Variants in TTN observed in about 807,000 individuals in gnomAD.
The protein encoded by TTN is titin.
Under a neutral mutation model 3,223.0 loss-of-function variants are expected in TTN, and 1,525 were observed. The ratio of observed to expected loss-of-function variants is 0.47; its 90% CI spans 0.45 to 0.49. The LOEUF (loss-of-function observed/expected upper bound fraction) is 0.49. Among genes scored for constraint, TTN ranks in the 20% least tolerant of loss-of-function variants. The pLI is 0.00. For missense variants in TTN, 40,786 were observed against 43,424.0 expected, an observed-to-expected ratio of 0.94 and a Z score of 5.40; for synonymous variants, 14,094 against 15,161.0, an observed-to-expected ratio of 0.93 and a Z score of 5.17.
chr2:178,745,090 A>G (rs1463498428), intron 47 of TTN: 1 of 987,948 alleles, frequency 1.0e-6, no homozygotes, highest in Non-Finnish European at 1.2e-6. Context: ...GCCTATTCTA[A>G]GTCAAAGTAA....
Position 178,589,881 on chromosome 2 carries a change from C to A in TTN, c.61844G>T (p.Gly20615Val). The A allele has an allele frequency of 6.2e-7, 1 of 1,613,330 alleles. No individual in the cohort carries two copies. The highest frequency in any genetic ancestry group is 1.1e-5 in the South Asian group (1 of 91,068). ...IVEYRKPNQKGWSIVASDVTK... is the reference protein window; with the variant it reads ...IVEYRKPNQKVWSIVASDVTK... ...GACATCTGATGCAACAATTGACCAG[C>A]CTTTCTGGTTTGGTTTGCGATATTC... is the stretch of plus-strand genomic sequence containing the variant. Residue 20615 changes from glycine to valine, a missense_variant, in exon 304 of 363, where the codon GGC becomes GTC. Physicochemically the swap from Gly to Val is moderately radical, Grantham distance 109. Coordinates refer to ENST00000589042, the MANE Select transcript of TTN (RefSeq NM_001267550.2).
rs766935265 is a variant in TTN at position 178,785,727 on chromosome 2, C to T, written c.2386G>A (p.Asp796Asn). 7.9e-5 allele frequency: 127 copies of T among 1,614,126 alleles called. 1 individual carries two copies. In the Middle Eastern group the frequency reaches 6.3e-3, roughly 80 times the overall value. ...HISSQIKKTT[D>N]LTTERLVHVD... ...TGGACTAATCTTTCCGTTGTTAGAT[C>T]TGTAGTTTTCTTGATCTGCATTGAA... is the stretch of plus-strand genomic sequence containing the variant. The change falls in exon 15 of 363, where the codon GAT (aspartate) becomes AAT (asparagine). Residue 796 changes from aspartate (D) to asparagine (N), a missense_variant. Transcript: ENST00000589042.
chr2:178,683,906 C>A, intron 133 of TTN, 93 bp downstream of exon 133: 1 of 894,320 alleles, frequency 1.1e-6, no homozygotes. Context: ...TATACTATGT[C>A]TTTTTTTTTC....
At position 178,555,002 on chromosome 2, in the gene TTN, A is replaced by G. The variant is rs1376620284; in HGVS notation, c.88457T>C (p.Leu29486Pro). ...GTCCGTGGTATTTTCAACACACACC[A>G]GTGCATTGGTTTGTAATTCTTTATC... ...KDDKELQTNA[L>P]VCVENTTDLA... Residue 29486 changes from leucine to proline, a missense_variant, in exon 331 of 363, where the codon CTG (leucine) becomes CCG (proline). Coordinates refer to ENST00000589042, the MANE Select transcript of TTN (RefSeq NM_001267550.2). 1 of 1,613,704 alleles carries G rather than the reference A, an allele frequency of 6.2e-7. No individual in the cohort carries two copies.
rs199726308 is a variant in TTN, at chr2:178,564,605, C to A, written c.81527G>T (p.Arg27176Leu). The change falls in exon 326 of 363, where the codon CGC becomes CTC. Residue 27176 changes from arginine to leucine, a missense_variant. Transcript: ENST00000589042. ...VARDPCDPPG[R>L]PEAIVITRNN... ...TCTTGTAATAACAATGGCTTCAGGG[C>A]GACCAGGTGGGTCACATGGATCACG... 262 of 1,613,326 alleles carry A rather than the reference C, an allele frequency of 1.6e-4. No individual in the cohort carries two copies. Among genetic ancestry groups the A allele is most frequent in the Non-Finnish European group, 2.1e-4 (249 of 1,179,692 alleles).
At chr2:178,725,172 G>T in intron 71 of TTN, 196 bp downstream of exon 71, 1 of 507,946 alleles carries the variant, frequency 2.0e-6, no homozygotes, top group Non-Finnish European at 3.2e-6. Flanking sequence ...CAATAAAACA[G>T]ATGTCTAATT....
Position 178,528,756 on chromosome 2 carries a change from C to CT in TTN, c.106994dup (p.Gln35666AlafsTer7). 1 of 1,612,860 alleles carries CT rather than the reference C, an allele frequency of 6.2e-7. No homozygotes were observed. The highest frequency in any genetic ancestry group is 2.2e-5 in the East Asian group (1 of 44,846). On this transcript the variant is annotated frameshift_variant, in exon 360 of 363. Coordinates refer to ENST00000589042, the MANE Select transcript of TTN (RefSeq NM_001267550.2). LOFTEE classifies it high-confidence loss of function. ...TTCCTTCATCTCTGTGACTGGCTTG[C>CT]TTGATGGTTAGGGTCTGATCGCTGC... is the stretch of plus-strand genomic sequence containing the variant.
At chr2:178,665,582 G>T in intron 164 of TTN, 122 bp from the exon 165 acceptor site, 5 of 1,314,382 alleles carry the variant, frequency 3.8e-6, no homozygotes, top group Middle Eastern at 2.6e-4. Flanking sequence ...ATCTGAGGAG[G>T]TATACAATCT....
At chr2:178,704,059 T>G (rs1014101810) in intron 106 of TTN, 88 bp downstream of exon 106, 3 of 1,500,780 alleles carry the variant, frequency 2.0e-6, no homozygotes, top group East Asian at 2.3e-5. Flanking sequence ...CTTTGGTGTG[T>G]GTCTACAGGT....
intron 47 of TTN, chr2:178,751,138 A>G (rs1463741310): frequency 8.1e-6 from 13 of 1,612,698 alleles, no homozygotes; most frequent in Non-Finnish European, 1.1e-5. Context: ...CAGCTAGATC[A>G]GACATAGATC....
intron 294 of TTN, 59 bp from the exon 295 acceptor site, chr2:178,595,868 C>G (rs2051428099): frequency 1.4e-6 from 2 of 1,479,540 alleles, no homozygotes; most frequent in South Asian, 1.3e-5. Context: ...TAATGCTCAA[C>G]ACTTGTTTTT....
chr2:178,776,780 TAGAG>T lies in TTN; in HGVS notation c.5080_5083del (p.Leu1694MetfsTer18). 6.2e-7 allele frequency: 1 copy of T among 1,614,156 alleles called. No homozygotes were observed. The highest frequency in any genetic ancestry group is 8.5e-7 in the Non-Finnish European group (1 of 1,180,010). ...TGGTTTCTGTTGTTTCTCTTTGTCA[TAGAG>T]ATCACCTTCTTCCCATTGCTCTTGG... is the stretch of plus-strand genomic sequence containing the variant. On this transcript the variant is annotated frameshift_variant, in exon 28 of 363. Coordinates refer to ENST00000589042, the MANE Select transcript of TTN (RefSeq NM_001267550.2). LOFTEE classifies it high-confidence loss of function.
At position 178,780,030 on chromosome 2, in the gene TTN, A is replaced by C. The variant is rs759703962; in HGVS notation, c.3699T>G (p.Thr1233=). ...ALIRKKMAKD[T]VVVRTYVEDQ... ...CTTCTACATAAGTTCTGACCACTAC[A>C]GTATCTTTGGCCATTTTCTTCCTAA... The change falls in exon 22 of 363, where the codon ACT becomes ACG. Residue 1233 remains threonine, a synonymous_variant. Coordinates refer to ENST00000589042, the MANE Select transcript of TTN (RefSeq NM_001267550.2). 1 of 1,613,138 alleles carries C rather than the reference A, an allele frequency of 6.2e-7. No homozygotes were observed. The highest frequency in any genetic ancestry group is 1.7e-5 in the Admixed American group (1 of 60,012).
chr2:178,761,544 A>G (rs2089202286), intron 43 of TTN, among the ~76,000 whole-genome samples: 1 of 152,162 alleles, frequency 6.6e-6, no homozygotes, highest in African/African-American at 2.4e-5. Context: ...TCATCATAGG[A>G]TGCCACTGTG....
At chr2:178,798,880 T>G (rs1464517972) in intron 6 of TTN, 1 of 154,502 alleles carries the variant, frequency 6.5e-6, no homozygotes. Context: ...CCTTAGGGCT[T>G]TGAACTCTAA....
chr2:178,677,543 C>A, intron 146 of TTN, 78 bp downstream of exon 146: 1 of 1,412,758 alleles, frequency 7.1e-7, no homozygotes, highest in South Asian at 1.5e-5. Context: ...ATAGATAAAA[C>A]TGGAGATGAA....
chr2:178,651,174 G>C, intron 208 of TTN, 69 bp downstream of exon 208: 1 of 1,313,674 alleles, frequency 7.6e-7, no homozygotes, highest in Non-Finnish European at 1.1e-6. Flanking sequence ...CAAACAAAAG[G>C]TTTGATAATA....
At position 178,560,451 on chromosome 2, in the gene TTN, A is replaced by G. The variant is rs1703206822; in HGVS notation, c.85681T>C (p.Ser28561Pro). ...AGTGTCATAGATTCTTTGGTCACAG[A>G]AGTAATTTCCAAAGACGTGGGTGGA... ...PSPPTSLEITSVTKESMTLCW... is the reference protein window; with the variant it reads ...PSPPTSLEITPVTKESMTLCW... Residue 28561 changes from serine to proline, a missense_variant, in exon 326 of 363, where the codon TCT (serine) becomes CCT (proline). Transcript: ENST00000589042. 1 of 1,613,434 alleles carries G rather than the reference A, an allele frequency of 6.2e-7. No homozygotes were observed. Among genetic ancestry groups the G allele is most frequent in the Admixed American group, 1.7e-5 (1 of 59,968 alleles).
intron 101 of TTN, 34 bp from the exon 102 acceptor site, chr2:178,706,773 TAA>T (rs1040358504): frequency 3.4e-5 from 54 of 1,596,274 alleles, no homozygotes; most frequent in Non-Finnish European, 4.3e-5. Context: ...AATAAAAATT[TAA>T]TTTTCTAAAA....
Sources: gnomAD v4.1 joint callset for allele counts (sites outside exome capture counted in the v4.1 genomes callset) on GRCh38, gnomAD v4.1.1 for gene constraint, MANE v1.5 for transcripts, NCBI Gene and HGNC (gene_info 2026-07-23, HGNC 2026-07-21) for gene names.